TDRD10: variants seen among roughly 807,000 people sequenced by gnomAD.
TDRD10 encodes the protein tudor domain containing 10.
In TDRD10, 40 loss-of-function variants were observed where a neutral mutation model predicts 48.0. That is an observed-to-expected ratio of 0.83 (90% CI 0.65 to 1.09). TDRD10 has a LOEUF of 1.09. Ranked by LOEUF, TDRD10 falls within the 50% of genes least tolerant of loss-of-function variation. The pLI is 0.00. For synonymous variants in TDRD10, 162 were observed against 170.4 expected, an observed-to-expected ratio of 0.95 and a Z score of 0.38; for missense variants, 378 against 434.7, an observed-to-expected ratio of 0.87 and a Z score of 1.16.
At chr1:154,536,364 GAAACTCCATCTTAAC>G (rs1557831712) in intron 6 of TDRD10, among the ~76,000 whole-genome samples, 1 of 152,146 alleles carries the variant, frequency 6.6e-6, no homozygotes, top group Non-Finnish European at 1.5e-5. Flanking sequence ...CAACAAGAGC[GAAACTCCATCTTAAC>G]AAAGTTGCTT....
intron 4 of TDRD10, among the ~76,000 whole-genome samples, chr1:154,516,575 A>G (rs934074573): frequency 1.3e-5 from 2 of 152,174 alleles, no homozygotes; most frequent in Non-Finnish European, 2.9e-5. Context: ...AATAGGTAGT[A>G]GGAATGCCAT....
chr1:154,538,985 G>A (rs376172067), intron 6 of TDRD10, among the ~76,000 whole-genome samples: 7 of 152,156 alleles, frequency 4.6e-5, no homozygotes, highest in South Asian at 2.1e-4. Context: ...TTGTTTTACC[G>A]TATGAACTCA....
chr1:154,512,392 T>C (rs1339415242), intron 4 of TDRD10, among the ~76,000 whole-genome samples: 2 of 152,192 alleles, frequency 1.3e-5, no homozygotes, highest in South Asian at 2.1e-4. Flanking sequence ...TTGCCCAGGC[T>C]GGAGTGCAAT....
At chr1:154,535,339 C>T (rs764384683) in intron 6 of TDRD10, among the ~76,000 whole-genome samples, 40 of 151,212 alleles carry the variant, frequency 2.6e-4, no homozygotes, top group Admixed American at 7.9e-4. Flanking sequence ...TGCACTCCAG[C>T]CTGGGCATCA....
intron 4 of TDRD10, among the ~76,000 whole-genome samples, chr1:154,513,885 A>G (rs1408795738): frequency 6.6e-6 from 1 of 152,168 alleles, no homozygotes; most frequent in East Asian, 1.9e-4. Flanking sequence ...TAGAGATTTA[A>G]GGAGATTTAG....
At position 154,543,950 on chromosome 1, in the gene TDRD10, G is replaced by A. The variant is rs758375424; in HGVS notation, c.504-13G>A. The stretch of plus-strand genomic sequence containing the variant: ...AGTCGTTCCTTTCCTTGCTCCCCTT[G>A]CTCTTCCCGCAGAGGGTCCTTCCTG... On this transcript the variant is annotated splice_polypyrimidine_tract_variant and intron_variant, in intron 8 of 12. Coordinates refer to ENST00000368482, the MANE Select transcript of TDRD10 (RefSeq NM_182499.4). 2 of 1,612,016 alleles carry A rather than the reference G, an allele frequency of 1.2e-6. No individual in the cohort carries two copies. The highest frequency in any genetic ancestry group is 2.2e-5 in the South Asian group (2 of 91,054).
At position 154,537,025 on chromosome 1, in the gene TDRD10, G is replaced by T. The variant is rs1694956835; in HGVS notation, c.370-4999G>T. Among the ~76,000 whole-genome samples, 6 of 152,132 alleles carry T rather than the reference G, an allele frequency of 3.9e-5. No individual in the cohort carries two copies. The South Asian group carries it at 1.2e-3, about 32-fold the overall frequency. The stretch of plus-strand genomic sequence containing the variant: ...AAATATCTTGTCACACCAGCCCTGG[G>T]GCGGCCCCCCAGACAAGCCAAGTAC... On this transcript the variant is annotated intron_variant, in intron 6 of 12. Coordinates refer to ENST00000368482, the MANE Select transcript of TDRD10 (RefSeq NM_182499.4).
chr1:154,538,277 C>T (rs567725404), intron 6 of TDRD10, among the ~76,000 whole-genome samples: 6 of 151,894 alleles, frequency 4.0e-5, no homozygotes, highest in South Asian at 2.1e-4. Flanking sequence ...GGCCAGGCAC[C>T]GTGGCTCACG....
chr1:154,533,430 A>G (rs1694756446), intron 6 of TDRD10, among the ~76,000 whole-genome samples: 2 of 149,828 alleles, frequency 1.3e-5, no homozygotes, highest in Non-Finnish European at 3.0e-5. Context: ...TGGAATATAT[A>G]AAGCAAAAGG....
At chr1:154,526,613 G>A (rs751183946) in intron 6 of TDRD10, among the ~76,000 whole-genome samples, 3 of 151,940 alleles carry the variant, frequency 2.0e-5, no homozygotes, top group Non-Finnish European at 2.9e-5. Flanking sequence ...ACGCCACCAC[G>A]CCCAGCTAAT....
At chr1:154,544,287 G>T (rs376720021) in intron 9 of TDRD10, 85 bp from the exon 10 acceptor site, 1 of 1,541,330 alleles carries the variant, frequency 6.5e-7, no homozygotes, top group East Asian at 2.4e-5. Flanking sequence ...ACGGATTAGC[G>T]GTGCTAACAT....
At chr1:154,526,739 C>A (rs1398312698) in intron 6 of TDRD10, among the ~76,000 whole-genome samples, 2 of 152,134 alleles carry the variant, frequency 1.3e-5, no homozygotes, top group East Asian at 3.9e-4. Flanking sequence ...AGGTGTGAGC[C>A]ACTGCGCCTG....
At chr1:154,507,181 C>CAT (rs10654618) in intron 2 of TDRD10, 60 bp from the exon 3 acceptor site, 1,585,498 of 1,610,074 alleles carry the variant, frequency 0.98, 783,600 homozygotes, top group East Asian at 1. Flanking sequence ...ATGCCTGACA[C>CAT]GTTTCCTTTT....
intron 10 of TDRD10, 82 bp from the exon 11 acceptor site, chr1:154,544,713 T>C (rs1695453978): frequency 1.9e-6 from 3 of 1,550,358 alleles, no homozygotes; most frequent in Non-Finnish European, 1.7e-6. Context: ...TACCTCCACT[T>C]TCACATCCAC....
At chr1:154,530,176 G>A (rs1023361216) in intron 6 of TDRD10, among the ~76,000 whole-genome samples, 9 of 151,414 alleles carry the variant, frequency 5.9e-5, no homozygotes, top group South Asian at 2.1e-4. Flanking sequence ...CACCATGCCC[G>A]GCTAATTTTT....
intron 9 of TDRD10, 96 bp from the exon 10 acceptor site, chr1:154,544,276 G>A: frequency 1.3e-6 from 2 of 1,542,958 alleles, no homozygotes; most frequent in Non-Finnish European, 8.8e-7. Flanking sequence ...ATGGCCTTGG[G>A]ACGGATTAGC....
intron 11 of TDRD10, among the ~76,000 whole-genome samples, chr1:154,546,721 C>A (rs1695611015): frequency 6.6e-6 from 1 of 152,086 alleles, no homozygotes; most frequent in Admixed American, 6.5e-5. Context: ...AGTGCAGCTC[C>A]CAGCCTGTCA....
chr1:154,544,237 G>A (rs1296239213), intron 9 of TDRD10, 127 bp downstream of exon 9: 2 of 1,548,752 alleles, frequency 1.3e-6, no homozygotes, highest in African/African-American at 1.4e-5. Flanking sequence ...CCTGGGTTCA[G>A]TCTCGTTCTC....
At chr1:154,532,939 G>A (rs1449900925) in intron 6 of TDRD10, among the ~76,000 whole-genome samples, 2 of 151,962 alleles carry the variant, frequency 1.3e-5, no homozygotes. Context: ...TACCGCTGAG[G>A]AAAGTCTTGA....
Sources: allele counts gnomAD v4.1 joint callset (sites outside exome capture counted in the v4.1 genomes callset), GRCh38; gene constraint gnomAD v4.1.1; transcripts MANE v1.5; gene names NCBI Gene and HGNC (gene_info 2026-07-23, HGNC 2026-07-21).